The following CARMIL1 variants were observed in gnomAD, a reference collection of about 807,000 sequenced individuals.
CARMIL1 encodes F-actin-uncapping protein LRRC16A.
A neutral mutation model predicts 177.1 loss-of-function variants in CARMIL1; 90 were observed. That is an observed-to-expected ratio of 0.51 (90% CI 0.43 to 0.61). The LOEUF (loss-of-function observed/expected upper bound fraction) is 0.61. CARMIL1 is among the 20% of genes least tolerant of loss of function. The pLI, the probability that CARMIL1 is intolerant of heterozygous loss-of-function variation, is 0.00. For missense variants in CARMIL1, 1,380 were observed against 1,667.0 expected, an observed-to-expected ratio of 0.83 and a Z score of 3.00; for synonymous variants, 577 against 606.2, an observed-to-expected ratio of 0.95 and a Z score of 0.71.
chr6:25,619,414 C>A, intron 36 of CARMIL1, 33 bp from the exon 37 acceptor site: 1 of 1,602,292 alleles, frequency 6.2e-7, no homozygotes, highest in Non-Finnish European at 8.5e-7. Flanking sequence ...ATTACTTTGT[C>A]AGTAAACTGT....
At chr6:25,518,771 A>G (rs941954575) in intron 22 of CARMIL1, among the ~76,000 whole-genome samples, 2 of 152,198 alleles carry the variant, frequency 1.3e-5, no homozygotes, top group African/African-American at 4.8e-5. Context: ...ATCACAGTCG[A>G]TTATATATGC....
intron 2 of CARMIL1, among the ~76,000 whole-genome samples, chr6:25,359,918 A>G (rs569971192): frequency 6.6e-6 from 1 of 152,338 alleles, no homozygotes; most frequent in Admixed American, 6.5e-5. Context: ...AAAGGAAAAA[A>G]AAGTTTAACT....
At chr6:25,584,262 A>G (rs750591112) in intron 31 of CARMIL1, among the ~76,000 whole-genome samples, 17 of 150,388 alleles carry the variant, frequency 1.1e-4, no homozygotes, top group Admixed American at 6.6e-4. Context: ...CTAATCTCGG[A>G]ACTCCTAGCC....
chr6:25,543,746 G>A (rs1441907434), intron 26 of CARMIL1, among the ~76,000 whole-genome samples: 1 of 152,058 alleles, frequency 6.6e-6, no homozygotes, highest in African/African-American at 2.4e-5. Context: ...AGTTTTCTGA[G>A]TTTTCTTCTT....
At chr6:25,299,710 T>C (rs2150169131) in intron 2 of CARMIL1, among the ~76,000 whole-genome samples, 1 of 152,018 alleles carries the variant, frequency 6.6e-6, no homozygotes, top group Non-Finnish European at 1.5e-5. Flanking sequence ...GCACGGTGGC[T>C]CATGCCTGTA....
intron 22 of CARMIL1, among the ~76,000 whole-genome samples, chr6:25,519,893 G>A (rs969142111): frequency 1.3e-5 from 2 of 152,188 alleles, no homozygotes. Context: ...AACCCATGTA[G>A]CAAGTTGATG....
chr6:25,436,156 A>C (rs1272331625), intron 5 of CARMIL1, among the ~76,000 whole-genome samples: 2 of 152,134 alleles, frequency 1.3e-5, no homozygotes, highest in African/African-American at 2.4e-5. Context: ...TAAGCTTTTA[A>C]AGTCAGGATT....
intron 31 of CARMIL1, among the ~76,000 whole-genome samples, chr6:25,588,070 T>G (rs1233435649): frequency 6.6e-6 from 1 of 152,230 alleles, no homozygotes; most frequent in Non-Finnish European, 1.5e-5. Context: ...GCATTTACAT[T>G]GTATTAGGTA....
At chr6:25,402,846 A>C (rs1794006305) in intron 2 of CARMIL1, among the ~76,000 whole-genome samples, 2 of 152,256 alleles carry the variant, frequency 1.3e-5, no homozygotes, top group African/African-American at 4.8e-5. Flanking sequence ...CCTTTTCCCA[A>C]AATTGTGTTT....
At chr6:25,563,702 A>C in intron 29 of CARMIL1, 1 of 985,366 alleles carries the variant, frequency 1.0e-6, no homozygotes, top group African/African-American at 1.7e-5. Context: ...TCTTGCTAGG[A>C]ATGGAAGGTG....
chr6:25,516,419 A>G (rs961189335), intron 21 of CARMIL1, among the ~76,000 whole-genome samples: 1 of 152,082 alleles, frequency 6.6e-6, no homozygotes, highest in Admixed American at 6.5e-5. Flanking sequence ...TCATTCAGAG[A>G]GATTGGTGTT....
At chr6:25,449,555 G>T (rs2150840816) in intron 5 of CARMIL1, among the ~76,000 whole-genome samples, 1 of 152,242 alleles carries the variant, frequency 6.6e-6, no homozygotes, top group African/African-American at 2.4e-5. Context: ...TTAATTAATT[G>T]AAAATTAGTA....
intron 10 of CARMIL1, 66 bp downstream of exon 10, chr6:25,471,323 A>C: frequency 8.5e-7 from 1 of 1,170,666 alleles, no homozygotes; most frequent in East Asian, 2.5e-5. Flanking sequence ...TCTTCTAATT[A>C]ATTCATAGTT....
intron 5 of CARMIL1, among the ~76,000 whole-genome samples, chr6:25,438,220 TA>T (rs1797400208): frequency 2.6e-5 from 4 of 152,218 alleles, no homozygotes; most frequent in Admixed American, 1.3e-4. Flanking sequence ...CTTCCTGCAC[TA>T]GTACACATCA....
At chr6:25,575,213 G>A (rs1812473016) in intron 29 of CARMIL1, among the ~76,000 whole-genome samples, 1 of 152,190 alleles carries the variant, frequency 6.6e-6, no homozygotes, top group Non-Finnish European at 1.5e-5. Context: ...ATGGGGGGAT[G>A]TTGAAGTCAT....
In CARMIL1 at chr6:25,510,766, A is replaced by C; in HGVS notation, c.1632+4A>C. ...GATGATTCAAGATGAAGAATCAGTG[A>C]GTATTATGTTAAACTTTTTACTAAA... On this transcript the variant is annotated splice_donor_region_variant and intron_variant, in intron 20 of 36. Coordinates refer to ENST00000329474, the MANE Select transcript of CARMIL1 (RefSeq NM_017640.6). The C allele has an allele frequency of 6.7e-7, 1 of 1,496,188 alleles. No homozygotes were observed. Among genetic ancestry groups the C allele is most frequent in the Admixed American group, 2.1e-5 (1 of 46,998 alleles). 92.7% of individuals were successfully genotyped at this position (1,496,188 alleles called of 1,614,324 possible).
intron 2 of CARMIL1, among the ~76,000 whole-genome samples, chr6:25,343,886 G>A (rs1016573396): frequency 1.3e-4 from 19 of 151,900 alleles, no homozygotes; most frequent in African/African-American, 4.6e-4. Flanking sequence ...GGGTAGCCTC[G>A]TCTATGCTAT....
chr6:25,570,104 A>C (rs1039234008), intron 29 of CARMIL1, among the ~76,000 whole-genome samples: 3 of 152,098 alleles, frequency 2.0e-5, no homozygotes, highest in African/African-American at 7.2e-5. Context: ...ACCTGGGACT[A>C]CAGGCGCCCG....
At chr6:25,425,457 C>T (rs1241586071) in intron 3 of CARMIL1, among the ~76,000 whole-genome samples, 2 of 152,108 alleles carry the variant, frequency 1.3e-5, no homozygotes, top group African/African-American at 2.4e-5. Flanking sequence ...GTACAACATA[C>T]CACCAGGGAG....
Sources: allele counts gnomAD v4.1 joint callset (sites outside exome capture counted in the v4.1 genomes callset), GRCh38; gene constraint gnomAD v4.1.1; transcripts MANE v1.5; gene names NCBI Gene and HGNC (gene_info 2026-07-23, HGNC 2026-07-21).